IFT56: variants seen among roughly 807,000 people sequenced by gnomAD.
IFT56 encodes the protein intraflagellar transport 56.
At chr7:139,148,309 G>A in the IFT56 span, 6 of 1,613,936 alleles carry the variant, frequency 3.7e-6, no homozygotes, top group African/African-American at 1.3e-5. Context: ...GCAAATTCCT[G>A]ATAGTACCAT....
chr7:139,159,222 A>C, the IFT56 span, among the ~76,000 whole-genome samples: 1 of 152,170 alleles, frequency 6.6e-6, no homozygotes, highest in Non-Finnish European at 1.5e-5. Flanking sequence ...TGACAAAACT[A>C]TCTAGGTTTG....
At chr7:139,173,220 G>T in the IFT56 span, 4 of 442,608 alleles carry the variant, frequency 9.0e-6, no homozygotes, top group East Asian at 3.9e-5. Context: ...CTTGTACAAA[G>T]TCACCTTTTT....
the IFT56 span, among the ~76,000 whole-genome samples, chr7:139,141,605 AT>A: frequency 6.6e-5 from 10 of 151,988 alleles, no homozygotes; most frequent in Non-Finnish European, 8.8e-5. Flanking sequence ...CTATTTCCAT[AT>A]TTTTTTTCTT....
the IFT56 span, chr7:139,168,614 G>T: frequency 7.8e-6 from 4 of 513,598 alleles, no homozygotes; most frequent in South Asian, 8.1e-5. Context: ...AAAGACTCCT[G>T]CTTGTTTAAA....
the IFT56 span, chr7:139,179,634 G>C: frequency 6.2e-7 from 1 of 1,613,238 alleles, no homozygotes; most frequent in East Asian, 2.2e-5. Flanking sequence ...CAGCTGGTTA[G>C]CTCGGTGCTG....
the IFT56 span, chr7:139,166,784 G>A: frequency 1.0e-6 from 1 of 971,094 alleles, no homozygotes; most frequent in Non-Finnish European, 1.6e-6. Context: ...TGGGAGGACT[G>A]CTTCAGGAGG....
At chr7:139,173,683 C>G in the IFT56 span, 1 of 772,374 alleles carries the variant, frequency 1.3e-6, no homozygotes, top group Non-Finnish European at 2.4e-6. Context: ...TGGCATGTGG[C>G]ATAGCATGAT....
At chr7:139,179,286 G>A in the IFT56 span, among the ~76,000 whole-genome samples, 2 of 152,222 alleles carry the variant, frequency 1.3e-5, no homozygotes, top group African/African-American at 4.8e-5. Flanking sequence ...TTACTGACCT[G>A]TGTGTAGCAT....
chr7:139,141,391 G>C, the IFT56 span, among the ~76,000 whole-genome samples: 1 of 152,170 alleles, frequency 6.6e-6, no homozygotes, highest in South Asian at 2.1e-4. Flanking sequence ...AGCCTCCTGA[G>C]TAGCTGAGGC....
chr7:139,140,951 CTT>C, the IFT56 span, among the ~76,000 whole-genome samples: 14 of 136,102 alleles, frequency 1.0e-4, no homozygotes, highest in Admixed American at 1.5e-4. Flanking sequence ...AACTTGAAGA[CTT>C]TTTTTTTTTT....
At chr7:139,174,252 A>G in the IFT56 span, 1 of 583,202 alleles carries the variant, frequency 1.7e-6, no homozygotes, top group Non-Finnish European at 3.4e-6. Context: ...CTTTCCCAAC[A>G]ATAACATTAA....
chr7:139,149,251 G>A, the IFT56 span, among the ~76,000 whole-genome samples: 1 of 149,114 alleles, frequency 6.7e-6, no homozygotes, highest in East Asian at 2.0e-4. Context: ...CTTTCAGTGA[G>A]CCGAGATGGT....
chr7:139,155,201 C>T, the IFT56 span, among the ~76,000 whole-genome samples: 1 of 152,110 alleles, frequency 6.6e-6, no homozygotes, highest in African/African-American at 2.4e-5. Flanking sequence ...CATTTATTGG[C>T]TTTCTTGCAG....
chr7:139,137,864 G>A, the IFT56 span: 3 of 1,613,124 alleles, frequency 1.9e-6, no homozygotes, highest in Admixed American at 5.0e-5. Context: ...GTCATGTTGG[G>A]GAAGAAGAAG....
At chr7:139,174,295 G>A in the IFT56 span, 1 of 564,082 alleles carries the variant, frequency 1.8e-6, no homozygotes. Context: ...CGTCCCACGG[G>A]AGCCCACCTG....
At chr7:139,141,130 G>C in the IFT56 span, among the ~76,000 whole-genome samples, 1 of 151,446 alleles carries the variant, frequency 6.6e-6, no homozygotes, top group Non-Finnish European at 1.5e-5. Flanking sequence ...GCGTGGTGGC[G>C]GGCGCCTGTA....
the IFT56 span, among the ~76,000 whole-genome samples, chr7:139,144,946 CT>C: frequency 6.6e-6 from 1 of 152,036 alleles, no homozygotes; most frequent in Non-Finnish European, 1.5e-5. Context: ...ATGTTCTTAT[CT>C]CCTGGTTTGC....
chr7:139,149,432 T>C, the IFT56 span, among the ~76,000 whole-genome samples: 1 of 152,068 alleles, frequency 6.6e-6, no homozygotes, highest in African/African-American at 2.4e-5. Context: ...CCTTGGCTAC[T>C]ATTCTAACCC....
the IFT56 span, chr7:139,187,379 T>A: frequency 1.2e-6 from 2 of 1,612,086 alleles, no homozygotes; most frequent in Non-Finnish European, 1.7e-6. Flanking sequence ...TTACTGCAAG[T>A]ATTACCACAT....
Sources: allele counts gnomAD v4.1 joint callset (sites outside exome capture counted in the v4.1 genomes callset), GRCh38; gene constraint gnomAD v4.1.1; transcripts MANE v1.5; gene names NCBI Gene and HGNC (gene_info 2026-07-23, HGNC 2026-07-21).